Variants in CFAP43 observed in about 807,000 individuals in gnomAD.
The protein encoded by CFAP43 is cilia and flagella associated protein 43.
CFAP43 carries 155 observed loss-of-function variants against 218.9 expected under a neutral mutation model. The ratio of observed to expected loss-of-function variants is 0.71; its 90% CI spans 0.62 to 0.81. The LOEUF is 0.81. Among genes scored for constraint, CFAP43 ranks in the 30% least tolerant of loss-of-function variants. CFAP43 has a pLI of 0.00. For synonymous variants in CFAP43, 645 were observed against 681.3 expected, an observed-to-expected ratio of 0.95 and a Z score of 0.83; for missense variants, 1,778 against 1,954.3, an observed-to-expected ratio of 0.91 and a Z score of 1.70.
Position 104,205,813 on chromosome 10 carries a change from C to A in CFAP43, c.963+150G>T, listed in dbSNP as rs9664759. On this transcript the variant is annotated intron_variant, in intron 7 of 37. Coordinates refer to ENST00000357060, the MANE Select transcript of CFAP43 (RefSeq NM_025145.7). ...AGATTTGAAGCTATTCATAATAAATCCTTTTTAATAGTACCCAAAGAGGAA... is the reference window on the plus strand; with the variant it reads ...AGATTTGAAGCTATTCATAATAAATACTTTTTAATAGTACCCAAAGAGGAA... The A allele has an allele frequency of 2.9e-3, 2,010 of 684,254 alleles. 33 individuals are homozygous for A. In the African/African-American group the frequency reaches 0.034, roughly 12 times the overall value. 42.4% of individuals were successfully genotyped at this position (684,254 alleles called of 1,614,324 possible).
chr10:104,171,221 C>T (rs955897881), intron 20 of CFAP43, among the ~76,000 whole-genome samples: 1 of 152,206 alleles, frequency 6.6e-6, no homozygotes, highest in Non-Finnish European at 1.5e-5. Context: ...CTTCTTTATT[C>T]TATTCCCAGC....
In CFAP43 at chr10:104,198,573, G is replaced by A. The variant is rs1405338559; in HGVS notation, c.1096-535C>T. Among the ~76,000 whole-genome samples, 5 of 152,080 alleles carry A rather than the reference G, an allele frequency of 3.3e-5. No homozygotes were observed. The South Asian group carries it at 6.2e-4, about 19-fold the overall frequency. On this transcript the variant is annotated intron_variant, in intron 8 of 37. Transcript: ENST00000357060. ...TGGTATGACAGGTGTAAGCCACTGC[G>A]CCTGGCCTCATAAATAACCATAAGA...
intron 8 of CFAP43, among the ~76,000 whole-genome samples, chr10:104,199,424 T>A (rs1156510031): frequency 6.6e-6 from 1 of 152,262 alleles, no homozygotes; most frequent in African/African-American, 2.4e-5. Context: ...CTTTCTTTCA[T>A]TTCTTCAATA....
chr10:104,224,210 A>AT (rs2091253267), intron 3 of CFAP43, among the ~76,000 whole-genome samples: 1 of 151,476 alleles, frequency 6.6e-6, no homozygotes. Flanking sequence ...TACCCAGCTA[A>AT]TTTTTTGTAT....
intron 8 of CFAP43, among the ~76,000 whole-genome samples, chr10:104,202,182 C>G (rs2090553787): frequency 6.6e-6 from 1 of 152,208 alleles, no homozygotes. Flanking sequence ...CCACAATTTG[C>G]TGAACCCTGC....
At chr10:104,194,601 A>G (rs1202979543) in intron 10 of CFAP43, among the ~76,000 whole-genome samples, 1 of 152,150 alleles carries the variant, frequency 6.6e-6, no homozygotes, top group East Asian at 1.9e-4. Context: ...AAATAACTGT[A>G]TCACCGGAAG....
intron 3 of CFAP43, among the ~76,000 whole-genome samples, chr10:104,217,335 C>G (rs1191514821): frequency 7.8e-6 from 1 of 128,568 alleles, no homozygotes; most frequent in East Asian, 2.3e-4. Context: ...TTTTTCTTTT[C>G]TTTTCTTTCT....
chr10:104,134,390 C>G (rs930274216), intron 34 of CFAP43, among the ~76,000 whole-genome samples: 12 of 151,826 alleles, frequency 7.9e-5, no homozygotes, highest in Non-Finnish European at 1.6e-4. Flanking sequence ...AGAGCAAGAC[C>G]CTGTCTCAAA....
chr10:104,193,548 T>G (rs1249263559), intron 11 of CFAP43: 1 of 226,432 alleles, frequency 4.4e-6, no homozygotes, highest in Non-Finnish European at 8.8e-6. Flanking sequence ...CAGAAGTGCC[T>G]GGCACACTAT....
In CFAP43 at chr10:104,187,075, T is replaced by C. The variant is rs192575526; in HGVS notation, c.1860+245A>G. Among the ~76,000 whole-genome samples, 337 of 152,344 alleles carry C rather than the reference T, an allele frequency of 2.2e-3. 2 individuals carry two copies. Among genetic ancestry groups the C allele is most frequent in the Non-Finnish European group, 3.9e-3 (265 of 68,032 alleles). On this transcript the variant is annotated intron_variant, in intron 14 of 37. Transcript: ENST00000357060. Reference sequence around the variant, plus strand: ...TTTAAGGCACTAAACTAATATTGTGTCATCTGCATGTTTATCTGACAAAGA... The same window carrying C: ...TTTAAGGCACTAAACTAATATTGTGCCATCTGCATGTTTATCTGACAAAGA...
At chr10:104,216,901 C>G (rs550929975) in intron 3 of CFAP43, among the ~76,000 whole-genome samples, 1 of 152,282 alleles carries the variant, frequency 6.6e-6, no homozygotes, top group African/African-American at 2.4e-5. Flanking sequence ...CTGGAACCCT[C>G]CCTGCCTAGT....
chr10:104,151,248 G>A (rs187488153), intron 28 of CFAP43, among the ~76,000 whole-genome samples: 1 of 152,210 alleles, frequency 6.6e-6, no homozygotes, highest in East Asian at 1.9e-4. Context: ...ATATTCCTTT[G>A]GGTATATACC....
chr10:104,196,918 C>T lies in CFAP43; in HGVS notation c.1228G>A (p.Gly410Arg), dbSNP rs373488045. Residue 410 changes from glycine to arginine, a missense_variant, in exon 10 of 38, where the codon GGG (glycine) becomes AGG (arginine). Gly to Arg is a moderately radical substitution (Grantham distance 125, BLOSUM62 -2). This residue lies in a region of CFAP43 where 1,553 missense variants were observed against 1,685.2 expected (regional missense o/e 0.92). Coordinates refer to ENST00000357060, the MANE Select transcript of CFAP43 (RefSeq NM_025145.7). ...TCCAGCCACCAAACACAAATTTCCCCTGAATATGTAAGTGTCTGTAAAAAA... is the reference window on the plus strand; with the variant it reads ...TCCAGCCACCAAACACAAATTTCCCTTGAATATGTAAGTGTCTGTAAAAAA... ...TQYFMTLTYS[G>R]EICVWWLEDC... 6.2e-6 allele frequency: 10 copies of T among 1,612,770 alleles called. No homozygotes were observed. Among genetic ancestry groups the T allele is most frequent in the African/African-American group, 1.3e-5 (1 of 74,858 alleles).
chr10:104,201,087 G>A (rs906560694), intron 8 of CFAP43, among the ~76,000 whole-genome samples: 1 of 152,138 alleles, frequency 6.6e-6, no homozygotes, highest in East Asian at 1.9e-4. Flanking sequence ...TAATATCAAT[G>A]CTTTGTTTCT....
chr10:104,205,843 T>C, intron 7 of CFAP43, 120 bp downstream of exon 7: 1 of 832,226 alleles, frequency 1.2e-6, no homozygotes, highest in Non-Finnish European at 1.9e-6. Flanking sequence ...GAGGAAACCA[T>C]TTTAATTAAT....
rs528418060 is a variant in CFAP43 at position 104,215,066 on chromosome 10, C to T, written c.417-640G>A. Among the ~76,000 whole-genome samples, 584 of 151,896 alleles carry T rather than the reference C, an allele frequency of 3.8e-3. 2 individuals carry two copies. The highest frequency in any genetic ancestry group is 6.4e-3 in the Non-Finnish European group (438 of 67,938). ...AGGAGCATCGCTTGAACCTGGGAGG[C>T]GGAGGTTGCAGTGAGCCAAGATTGT... On this transcript the variant is annotated intron_variant, in intron 3 of 37. Coordinates refer to ENST00000357060, the MANE Select transcript of CFAP43 (RefSeq NM_025145.7).
In CFAP43 at chr10:104,230,573, A is replaced by G. The variant is rs763781575; in HGVS notation, c.319+17T>C. 9 of 1,606,012 alleles carry G rather than the reference A, an allele frequency of 5.6e-6. No homozygotes were observed. Among genetic ancestry groups the G allele is most frequent in the Non-Finnish European group, 7.6e-6 (9 of 1,176,948 alleles). On this transcript the variant is annotated intron_variant, in intron 2 of 37. Coordinates refer to ENST00000357060, the MANE Select transcript of CFAP43 (RefSeq NM_025145.7). ...AAATCCTTCAATTATGGGCAGAGGAAGGGTTCTCTAGAATACCTTTCAATT... is the reference window on the plus strand; with the variant it reads ...AAATCCTTCAATTATGGGCAGAGGAGGGGTTCTCTAGAATACCTTTCAATT...
intron 5 of CFAP43, among the ~76,000 whole-genome samples, chr10:104,211,698 C>T (rs899088288): frequency 6.6e-6 from 1 of 152,188 alleles, no homozygotes; most frequent in African/African-American, 2.4e-5. Flanking sequence ...AACACTAGGT[C>T]CACTTTCCCA....
rs2087638985 is a variant in CFAP43 at position 104,140,133 on chromosome 10, T to A, written c.4431+709A>T. 2.0e-5 allele frequency among the ~76,000 whole-genome samples: 3 copies of A among 152,200 alleles called. No homozygotes were observed. The South Asian group carries it at 6.2e-4, about 31-fold the overall frequency. ...ATAAAGCTTATAGGGAATATTTTTT[T>A]AGGACTCAATTATACCTAAAGCTTA... On this transcript the variant is annotated intron_variant, in intron 34 of 37. Transcript: ENST00000357060.
Sources: allele counts gnomAD v4.1 joint callset (sites outside exome capture counted in the v4.1 genomes callset), GRCh38; gene constraint gnomAD v4.1.1; regional missense constraint gnomAD v4.1.1; transcripts MANE v1.5; gene names NCBI Gene and HGNC (gene_info 2026-07-23, HGNC 2026-07-21).